The following ECT2 variants were observed in gnomAD, a reference collection of about 807,000 sequenced individuals.
The protein encoded by ECT2 is epithelial cell transforming 2.
A neutral mutation model predicts 116.9 loss-of-function variants in ECT2; 61 were observed. The ratio of observed to expected loss-of-function variants is 0.52; its 90% CI spans 0.42 to 0.65. ECT2 has a LOEUF of 0.65. ECT2 is among the 30% of genes least tolerant of loss of function. ECT2 has a pLI of 0.00. For missense variants in ECT2, 937 were observed against 1,078.7 expected (o/e 0.87, Z 1.84); for synonymous variants, 358 against 346.4 (o/e 1.03, Z -0.37).
At chr3:172,765,197 T>C (rs1448043100) in intron 12 of ECT2, among the ~76,000 whole-genome samples, 2 of 152,196 alleles carry the variant, frequency 1.3e-5, no homozygotes, top group Admixed American at 6.5e-5. Flanking sequence ...GGGGAGACAG[T>C]TTTTATGCAT....
intron 13 of ECT2, among the ~76,000 whole-genome samples, chr3:172,771,648 A>G (rs1201192480): frequency 1.3e-5 from 2 of 152,208 alleles, no homozygotes; most frequent in Non-Finnish European, 2.9e-5. Flanking sequence ...CGAGAGATCA[A>G]TAATATCTGA....
chr3:172,766,687 A>G (rs976028865), intron 12 of ECT2, among the ~76,000 whole-genome samples: 1 of 152,238 alleles, frequency 6.6e-6, no homozygotes. Flanking sequence ...TAGGAAATTT[A>G]TATTTTGGAG....
intron 11 of ECT2, among the ~76,000 whole-genome samples, chr3:172,763,823 T>C (rs1260702998): frequency 6.6e-6 from 1 of 152,244 alleles, no homozygotes; most frequent in African/African-American, 2.4e-5. Context: ...TATTGTGTTC[T>C]CTTCAGAGTC....
intron 18 of ECT2, among the ~76,000 whole-genome samples, chr3:172,791,006 T>C (rs77457570): frequency 2.0e-5 from 3 of 152,146 alleles, no homozygotes; most frequent in Non-Finnish European, 4.4e-5. Context: ...AGTACAAAAA[T>C]TAGCTGGGTG....
chr3:172,759,228 T>A (rs918207118), intron 6 of ECT2, among the ~76,000 whole-genome samples, 159 bp downstream of exon 6: 1 of 152,212 alleles, frequency 6.6e-6, no homozygotes, highest in Non-Finnish European at 1.5e-5. Flanking sequence ...AAACAAATCC[T>A]GAAGAGCCTT....
chr3:172,812,669 C>T (rs573583999), intron 22 of ECT2, among the ~76,000 whole-genome samples: 10 of 152,066 alleles, frequency 6.6e-5, no homozygotes, highest in African/African-American at 2.2e-4. Context: ...ATGTATACAT[C>T]GTATAATGAC....
chr3:172,799,747 G>A (rs1008671333), intron 18 of ECT2, among the ~76,000 whole-genome samples: 2 of 152,082 alleles, frequency 1.3e-5, no homozygotes, highest in Non-Finnish European at 2.9e-5. Context: ...CTTGTGTTCT[G>A]TTTCAAAACG....
At chr3:172,787,372 A>C (rs977632351) in intron 18 of ECT2, among the ~76,000 whole-genome samples, 4 of 91,422 alleles carry the variant, frequency 4.4e-5, no homozygotes, top group Non-Finnish European at 7.0e-5. Flanking sequence ...CATTCTCTTG[A>C]GACAGTAATG....
rs766765424 is a variant in ECT2, at chr3:172,774,036, T to C, written c.1548+14T>C. On this transcript the variant is annotated intron_variant, in intron 14 of 24. Transcript: ENST00000392692. ...ACTAAGATAAAGGTAAATTTGTATA[T>C]GTTAGATTGGTAGTAATTTTTTTCA... 1.2e-6 allele frequency: 2 copies of C among 1,606,238 alleles called. No individual in the cohort carries two copies. Among genetic ancestry groups the C allele is most frequent in the East Asian group, 4.5e-5 (2 of 44,800 alleles).
At chr3:172,773,448 A>G (rs893554662) in intron 13 of ECT2, among the ~76,000 whole-genome samples, 1 of 152,158 alleles carries the variant, frequency 6.6e-6, no homozygotes, top group African/African-American at 2.4e-5. Context: ...AAGCAGAAAC[A>G]TAGATACAAA....
chr3:172,815,745 T>G, intron 23 of ECT2, 34 bp downstream of exon 23: 1 of 1,298,824 alleles, frequency 7.7e-7, no homozygotes. Flanking sequence ...TTAGCACATC[T>G]CTAACATATT....
rs144949810 is a variant in ECT2, at chr3:172,813,211, G to A, written c.2401-2393G>A. Among the ~76,000 whole-genome samples, 34 of 152,186 alleles carry A rather than the reference G, an allele frequency of 2.2e-4. No homozygotes were observed. In the East Asian group the frequency reaches 5.6e-3, roughly 25 times the overall value. ...TATGCTGGCAGTAACCAGTTAGAAAGTGTAGGAAATGAAGACCTCTTTTCC... is the reference window on the plus strand; with the variant it reads ...TATGCTGGCAGTAACCAGTTAGAAAATGTAGGAAATGAAGACCTCTTTTCC... On this transcript the variant is annotated intron_variant, in intron 22 of 24. Coordinates refer to ENST00000392692, the MANE Select transcript of ECT2 (RefSeq NM_001258315.2).
Position 172,764,281 on chromosome 3 carries a change from A to T in ECT2, c.1072A>T (p.Asn358Tyr). ...GCTTGTGTGCTTTTGATTACAGGCA[A>T]ATACTCCTGAGCTCAAGAAATCAGT... ...GETMYLYEKA[N>Y]TPELKKSVSM... The change falls in exon 12 of 25, where the codon AAT becomes TAT. Residue 358 changes from asparagine to tyrosine, a missense_variant. Transcript: ENST00000392692. 6.2e-7 allele frequency: 1 copy of T among 1,613,862 alleles called. No homozygotes were observed. The highest frequency in any genetic ancestry group is 1.1e-5 in the South Asian group (1 of 91,072).
At chr3:172,810,708 G>A (rs1577032220) in intron 22 of ECT2, among the ~76,000 whole-genome samples, 2 of 152,062 alleles carry the variant, frequency 1.3e-5, no homozygotes, top group East Asian at 3.9e-4. Context: ...TAGGGAAAGG[G>A]GAGAAGTGTC....
At chr3:172,795,540 A>G (rs539519439) in intron 18 of ECT2, among the ~76,000 whole-genome samples, 10 of 152,288 alleles carry the variant, frequency 6.6e-5, no homozygotes, top group Admixed American at 3.9e-4. Flanking sequence ...GTTATTTACA[A>G]CATACCCATG....
chr3:172,804,503 G>C (rs1168002040), intron 20 of ECT2, among the ~76,000 whole-genome samples: 1 of 152,160 alleles, frequency 6.6e-6, no homozygotes, highest in Non-Finnish European at 1.5e-5. Context: ...ATTGAGAACA[G>C]ATGCTAGGCA....
At chr3:172,766,948 G>C (rs1719517138) in intron 12 of ECT2, among the ~76,000 whole-genome samples, 2 of 152,198 alleles carry the variant, frequency 1.3e-5, no homozygotes, top group South Asian at 4.1e-4. Context: ...CAACTATACT[G>C]ATATTTTAGG....
chr3:172,785,969 C>CA (rs1184076235), intron 17 of ECT2, among the ~76,000 whole-genome samples: 3 of 152,098 alleles, frequency 2.0e-5, no homozygotes, highest in Non-Finnish European at 4.4e-5. Flanking sequence ...ATTAGGTGGA[C>CA]AGTGGTACTA....
chr3:172,786,467 A>G (rs1442890082), intron 17 of ECT2, 26 bp from the exon 18 acceptor site: 4 of 1,498,876 alleles, frequency 2.7e-6, no homozygotes, highest in Non-Finnish European at 9.2e-7. Flanking sequence ...TTTTTTATGC[A>G]TGGAAAAAAC....
Sources: gnomAD v4.1 joint callset for allele counts (sites outside exome capture counted in the v4.1 genomes callset) on GRCh38, gnomAD v4.1.1 for gene constraint, MANE v1.5 for transcripts, NCBI Gene and HGNC (gene_info 2026-07-23, HGNC 2026-07-21) for gene names.